The following LPCAT2 variants were observed in gnomAD, a reference collection of about 807,000 sequenced individuals.
LPCAT2 encodes lysophosphatidylcholine acyltransferase 2, also known as 1-AGP acyltransferase 11.
LPCAT2 carries 58 observed loss-of-function variants against 64.7 expected under a neutral mutation model. That is an observed-to-expected ratio of 0.90 (90% CI 0.73 to 1.12). The LOEUF (loss-of-function observed/expected upper bound fraction) is 1.12, where lower values mean the gene tolerates loss of function less well. LPCAT2 is among the 50% of genes most tolerant of loss of function. The pLI, the probability that LPCAT2 is intolerant of heterozygous loss-of-function variation, is 0.00. For missense variants in LPCAT2, 579 were observed against 669.8 expected (o/e 0.86, Z 1.50); for synonymous variants, 252 against 245.3 (o/e 1.03, Z -0.26).
intron 8 of LPCAT2, among the ~76,000 whole-genome samples, chr16:55,545,160 A>C (rs1381170967): frequency 6.6e-6 from 1 of 152,220 alleles, no homozygotes; most frequent in African/African-American, 2.4e-5. Context: ...GAAAAAGTAG[A>C]ATTAAAAATG....
At chr16:55,522,903 A>AT (rs1450194822) in intron 1 of LPCAT2, among the ~76,000 whole-genome samples, 4 of 151,668 alleles carry the variant, frequency 2.6e-5, no homozygotes, top group Admixed American at 6.6e-5. Context: ...TGAGGTAAAG[A>AT]TTTTTTCAGA....
chr16:55,544,110 C>T (rs536428253), intron 8 of LPCAT2, among the ~76,000 whole-genome samples: 13 of 152,238 alleles, frequency 8.5e-5, no homozygotes, highest in South Asian at 2.1e-4. Context: ...CACTCCTTAC[C>T]GCTGAAGTTA....
At chr16:55,567,154 G>C (rs1161683939) in intron 11 of LPCAT2, 2 of 1,613,906 alleles carry the variant, frequency 1.2e-6, no homozygotes, top group African/African-American at 1.3e-5. Context: ...GTCATGGACA[G>C]TGACACGACT....
At chr16:55,524,461 G>A (rs1236878953) in intron 1 of LPCAT2, among the ~76,000 whole-genome samples, 1 of 151,922 alleles carries the variant, frequency 6.6e-6, no homozygotes, top group East Asian at 1.9e-4. Context: ...TATGTTTTGT[G>A]TCTTAATTGC....
intron 8 of LPCAT2, chr16:55,541,439 A>T (rs569643208): frequency 6.5e-6 from 1 of 153,400 alleles, no homozygotes; most frequent in Non-Finnish European, 1.5e-5. Flanking sequence ...TATATAGTTT[A>T]TTTAAGTATC....
intron 11 of LPCAT2, among the ~76,000 whole-genome samples, chr16:55,569,458 G>A (rs1963745844): frequency 6.6e-6 from 1 of 152,216 alleles, no homozygotes. Context: ...AAAGGGGAAA[G>A]CTGCCAGACA....
chr16:55,578,191 CT>C, intron 12 of LPCAT2, among the ~76,000 whole-genome samples: 1 of 152,306 alleles, frequency 6.6e-6, no homozygotes, highest in South Asian at 2.1e-4. Context: ...CTTTGCTTTA[CT>C]TTGTGCATTC....
In LPCAT2 at chr16:55,534,435, T is replaced by A. The variant is rs762916542; in HGVS notation, c.763-8T>A. 1.4e-5 allele frequency: 21 copies of A among 1,520,584 alleles called. No homozygotes were observed. The South Asian group carries it at 2.5e-4, about 18-fold the overall frequency. The allele number at this position is 1,520,584 out of a possible 1,614,324, so 94.2% of individuals were successfully genotyped here. ...AGACCAACAGCTAAAATAATTTTGT[T>A]ATTATAGGATACTGTGACCTGGACA... On this transcript the variant is annotated splice_polypyrimidine_tract_variant and splice_region_variant and intron_variant, in intron 6 of 13. Transcript: ENST00000262134.
Position 55,583,339 on chromosome 16 carries a change from C to G in LPCAT2, c.*241C>G, listed in dbSNP as rs1963908732. On this transcript the variant is annotated 3_prime_UTR_variant, in exon 14 of 14. Coordinates refer to ENST00000262134, the MANE Select transcript of LPCAT2 (RefSeq NM_017839.5). ...TTTACTGATTCATTTACTGGTGATACATATGTTTTTATGGATTTTCCAGTT... is the reference window on the plus strand; with the variant it reads ...TTTACTGATTCATTTACTGGTGATAGATATGTTTTTATGGATTTTCCAGTT... 5.6e-6 allele frequency: 2 copies of G among 359,872 alleles called. No individual in the cohort carries two copies. The highest frequency in any genetic ancestry group is 4.1e-5 in the African/African-American group (2 of 49,342). The allele number at this position is 359,872 out of a possible 1,614,324, so 22.3% of individuals were successfully genotyped here.
intron 13 of LPCAT2, among the ~76,000 whole-genome samples, chr16:55,581,164 T>C (rs905716976): frequency 9.2e-5 from 14 of 152,192 alleles, no homozygotes; most frequent in African/African-American, 3.1e-4. Context: ...CTTTTGGCCA[T>C]AGCACAAGTC....
rs370301976 is a variant in LPCAT2 at position 55,518,273 on chromosome 16, C to T, written c.172-7235C>T. Reference sequence around the variant, plus strand: ...AAATATCATTGAAAGAAATTAGAGACGACTTAAATAAATGGGAAGACATCC... The same window carrying T: ...AAATATCATTGAAAGAAATTAGAGATGACTTAAATAAATGGGAAGACATCC... On this transcript the variant is annotated intron_variant, in intron 1 of 13. Coordinates refer to ENST00000262134, the MANE Select transcript of LPCAT2 (RefSeq NM_017839.5). Among the ~76,000 whole-genome samples, 69 of 151,518 alleles carry T rather than the reference C, an allele frequency of 4.6e-4. 1 individual carries two copies. Among genetic ancestry groups the T allele is most frequent in the South Asian group, 3.7e-3 (18 of 4,816 alleles).
intron 6 of LPCAT2, 52 bp downstream of exon 6, chr16:55,532,934 G>C: frequency 7.1e-7 from 1 of 1,411,034 alleles, no homozygotes; most frequent in Non-Finnish European, 1.0e-6. Context: ...AAGTAGCACA[G>C]ATTCTCTGGG....
chr16:55,559,184 T>G (rs372073595), intron 11 of LPCAT2, among the ~76,000 whole-genome samples: 17 of 152,176 alleles, frequency 1.1e-4, no homozygotes, highest in African/African-American at 3.4e-4. Flanking sequence ...AAAATTTAGA[T>G]AGGTGATTAT....
In LPCAT2 at chr16:55,532,094, G is replaced by A. The variant is rs1394546936; in HGVS notation, c.703+120G>A. 5.1e-5 allele frequency: 35 copies of A among 680,282 alleles called. 1 individual carries two copies. The highest frequency in any genetic ancestry group is 4.3e-4 in the South Asian group (25 of 58,688). The allele number at this position is 680,282 out of a possible 1,614,324, so 42.1% of individuals were successfully genotyped here. On this transcript the variant is annotated intron_variant, in intron 5 of 13. Coordinates refer to ENST00000262134, the MANE Select transcript of LPCAT2 (RefSeq NM_017839.5). ...CTGAGCATTTTTTTCTTTTCTGATA[G>A]CAACTTTTTAACGTTGTGGATCCAC...
At chr16:55,579,436 G>A (rs1451044821) in intron 13 of LPCAT2, among the ~76,000 whole-genome samples, 192 bp downstream of exon 13, 1 of 152,072 alleles carries the variant, frequency 6.6e-6, no homozygotes, top group Non-Finnish European at 1.5e-5. Flanking sequence ...TATATGCTAG[G>A]CACTCTTCTA....
At chr16:55,581,700 C>T (rs1963888674) in intron 13 of LPCAT2, among the ~76,000 whole-genome samples, 1 of 152,166 alleles carries the variant, frequency 6.6e-6, no homozygotes, top group Non-Finnish European at 1.5e-5. Context: ...AGCCAAATGG[C>T]AGCTAATCCA....
chr16:55,575,014 T>A (rs1963811972), intron 12 of LPCAT2, among the ~76,000 whole-genome samples: 1 of 151,834 alleles, frequency 6.6e-6, no homozygotes, highest in Non-Finnish European at 1.5e-5. Flanking sequence ...AGCTTCCCCA[T>A]TTTGAAGCCC....
In LPCAT2 at chr16:55,549,364, T is replaced by G; in HGVS notation, c.1023T>G (p.Ala341=). ...SAGQLTLPME[A]GLVEFTKISR... ...GACAGCTAACATTGCCTATGGAAGC[T>G]GGGCTGGTGGAATTTACTAAAATTA... Residue 341 remains alanine (A), a synonymous_variant, in exon 10 of 14, where the codon GCT becomes GCG. Transcript: ENST00000262134. 6.3e-7 allele frequency: 1 copy of G among 1,599,454 alleles called. No homozygotes were observed. Among genetic ancestry groups the G allele is most frequent in the African/African-American group, 1.4e-5 (1 of 73,922 alleles).
intron 1 of LPCAT2, among the ~76,000 whole-genome samples, chr16:55,511,173 T>A (rs1446259321): frequency 6.6e-6 from 1 of 152,224 alleles, no homozygotes; most frequent in African/African-American, 2.4e-5. Flanking sequence ...TGTTTGTTGA[T>A]CTTAATATTG....
Sources: gnomAD v4.1 joint callset for allele counts (sites outside exome capture counted in the v4.1 genomes callset) on GRCh38, gnomAD v4.1.1 for gene constraint, MANE v1.5 for transcripts, NCBI Gene and HGNC (gene_info 2026-07-23, HGNC 2026-07-21) for gene names.